Variants in FILIP1L observed in about 807,000 individuals in gnomAD.
FILIP1L encodes the protein filamin A-interacting protein 1-like.
A neutral mutation model predicts 96.6 loss-of-function variants in FILIP1L; 55 were observed. The observed-to-expected ratio is 0.57, with a 90% CI of 0.46 to 0.71. FILIP1L has a LOEUF of 0.71. Ranked by LOEUF, FILIP1L falls within the 30% of genes least tolerant of loss-of-function variation. FILIP1L has a pLI of 0.00. For synonymous variants in FILIP1L, 467 were observed against 473.9 expected, an observed-to-expected ratio of 0.99 and a Z score of 0.19; for missense variants, 1,304 against 1,321.2, an observed-to-expected ratio of 0.99 and a Z score of 0.20.
intron 1 of FILIP1L, among the ~76,000 whole-genome samples, chr3:100,097,973 G>A (rs1217072317): frequency 6.6e-6 from 1 of 152,150 alleles, no homozygotes; most frequent in Non-Finnish European, 1.5e-5. Flanking sequence ...TATCTGACAA[G>A]GTAATAGTGA....
intron 1 of FILIP1L, among the ~76,000 whole-genome samples, chr3:100,065,439 G>C (rs1483236988): frequency 2.0e-5 from 3 of 152,286 alleles, no homozygotes; most frequent in Admixed American, 6.5e-5. Flanking sequence ...CATTATGGCA[G>C]TCTAGATTCA....
intron 4 of FILIP1L, among the ~76,000 whole-genome samples, chr3:99,905,648 A>G (rs1049377465): frequency 2.6e-5 from 4 of 152,224 alleles, no homozygotes; most frequent in African/African-American, 9.6e-5. Context: ...AGATTAAGTT[A>G]TAGAATATTT....
chr3:100,108,357 T>C (rs961648533), intron 1 of FILIP1L, among the ~76,000 whole-genome samples: 3 of 152,186 alleles, frequency 2.0e-5, no homozygotes, highest in Non-Finnish European at 4.4e-5. Context: ...CCTCTCATTA[T>C]TGAGCACTTA....
At chr3:99,871,562 A>G (rs1316239297) in intron 4 of FILIP1L, among the ~76,000 whole-genome samples, 2 of 152,208 alleles carry the variant, frequency 1.3e-5, no homozygotes, top group Non-Finnish European at 2.9e-5. Context: ...AAAGCAGGGT[A>G]AGTACCACCA....
intron 1 of FILIP1L, among the ~76,000 whole-genome samples, chr3:100,014,644 A>G (rs1011555627): frequency 6.6e-6 from 1 of 152,006 alleles, no homozygotes; most frequent in Admixed American, 6.6e-5. Context: ...TCTTCTTTTG[A>G]GAAATGTCTT....
intron 1 of FILIP1L, among the ~76,000 whole-genome samples, chr3:100,031,365 G>T (rs1192720576): frequency 6.6e-6 from 1 of 151,960 alleles, no homozygotes; most frequent in Non-Finnish European, 1.5e-5. Context: ...CAAAGTTCCT[G>T]TTACCCTCGT....
chr3:99,911,477 C>T (rs565524513), intron 4 of FILIP1L, among the ~76,000 whole-genome samples: 2 of 151,996 alleles, frequency 1.3e-5, no homozygotes, highest in South Asian at 4.2e-4. Flanking sequence ...TTCTGCATGA[C>T]GAATGTCTCA....
At chr3:99,902,957 C>G (rs896131384) in intron 4 of FILIP1L, among the ~76,000 whole-genome samples, 2 of 152,158 alleles carry the variant, frequency 1.3e-5, no homozygotes, top group African/African-American at 4.8e-5. Context: ...GACAAATACT[C>G]CTGTTCACCT....
At chr3:99,970,386 G>T (rs939653630) in intron 1 of FILIP1L, among the ~76,000 whole-genome samples, 8 of 152,214 alleles carry the variant, frequency 5.3e-5, no homozygotes, top group Non-Finnish European at 1.2e-4. Context: ...TCTTAAGCAT[G>T]TAATAACTGA....
intron 4 of FILIP1L, among the ~76,000 whole-genome samples, chr3:99,888,024 A>G (rs1369590681): frequency 6.6e-6 from 1 of 152,174 alleles, no homozygotes; most frequent in Non-Finnish European, 1.5e-5. Flanking sequence ...GATTACAGGC[A>G]TGAGCCACTG....
At chr3:99,949,107 A>G (rs2107686243) in intron 1 of FILIP1L, among the ~76,000 whole-genome samples, 1 of 152,324 alleles carries the variant, frequency 6.6e-6, no homozygotes, top group African/African-American at 2.4e-5. Flanking sequence ...TGGGAGGAAT[A>G]TTTCATAAAT....
At chr3:99,905,403 T>G (rs571375562) in intron 4 of FILIP1L, among the ~76,000 whole-genome samples, 2 of 152,358 alleles carry the variant, frequency 1.3e-5, no homozygotes, top group African/African-American at 4.8e-5. Flanking sequence ...CTAATTGCTC[T>G]TACTAGGACT....
At chr3:100,032,493 C>G (rs1025643715) in intron 1 of FILIP1L, among the ~76,000 whole-genome samples, 10 of 152,178 alleles carry the variant, frequency 6.6e-5, no homozygotes, top group African/African-American at 2.4e-4. Context: ...ATTGTGAAGT[C>G]TGTCTGAGGC....
intron 4 of FILIP1L, among the ~76,000 whole-genome samples, chr3:99,871,411 G>A (rs1944780253): frequency 6.6e-6 from 1 of 152,114 alleles, no homozygotes; most frequent in African/African-American, 2.4e-5. Context: ...TTGTACCTCG[G>A]TACTTTCCTA....
At chr3:99,987,629 A>G (rs559752880) in intron 1 of FILIP1L, among the ~76,000 whole-genome samples, 91 of 152,286 alleles carry the variant, frequency 6.0e-4, no homozygotes, top group Admixed American at 5.9e-3. Context: ...TTATTAAAAT[A>G]GAAAGCCACA....
At chr3:100,051,209 TC>T (rs1035847059) in intron 1 of FILIP1L, 2 of 152,146 alleles carry the variant, frequency 1.3e-5, no homozygotes, top group African/African-American at 4.8e-5. Context: ...TCTTATTTTT[TC>T]CGATATTCTG....
chr3:99,872,269 C>CTGTG (rs55727823), intron 4 of FILIP1L, among the ~76,000 whole-genome samples: 7,630 of 110,734 alleles, frequency 0.069, 297 homozygotes, highest in East Asian at 0.11. Context: ...TGTGCCAGGA[C>CTGTG]TGTGTGTGTG....
intron 4 of FILIP1L, among the ~76,000 whole-genome samples, chr3:99,913,499 G>A (rs976311389): frequency 4.5e-4 from 68 of 152,152 alleles, no homozygotes; most frequent in African/African-American, 1.6e-3. Flanking sequence ...ACCAAAGAAT[G>A]TTTAATAGGA....
At chr3:99,900,869 G>T (rs562580406) in intron 4 of FILIP1L, among the ~76,000 whole-genome samples, 60 of 152,320 alleles carry the variant, frequency 3.9e-4, no homozygotes, top group South Asian at 2.1e-3. Flanking sequence ...GTAGCAAAGT[G>T]TTAGAAGCAC....
Sources: gnomAD v4.1 joint callset for allele counts (sites outside exome capture counted in the v4.1 genomes callset) on GRCh38, gnomAD v4.1.1 for gene constraint, MANE v1.5 for transcripts, NCBI Gene and HGNC (gene_info 2026-07-23, HGNC 2026-07-21) for gene names.